Variants in WNK2 observed in about 807,000 individuals in gnomAD.
WNK2 encodes the protein WNK lysine deficient protein kinase 2, also known as serine/threonine-protein kinase WNK2.
A neutral mutation model predicts 192.1 loss-of-function variants in WNK2; 67 were observed. The ratio of observed to expected loss-of-function variants is 0.35; its 90% confidence interval spans 0.29 to 0.43. The LOEUF (loss-of-function observed/expected upper bound fraction) is 0.43. Among genes scored for constraint, WNK2 ranks in the 20% least tolerant of loss-of-function variants. WNK2 has a pLI of 1.00. For missense variants in WNK2, 2,698 were observed against 3,089.7 expected, an observed-to-expected ratio of 0.87 and a Z score of 3.01; for synonymous variants, 1,439 against 1,393.9, an observed-to-expected ratio of 1.03 and a Z score of -0.72.
chr9:93,303,514 C>T (rs898594480), intron 26 of WNK2, among the ~76,000 whole-genome samples: 2 of 152,224 alleles, frequency 1.3e-5, no homozygotes, highest in African/African-American at 4.8e-5. Flanking sequence ...GGAATGCTTT[C>T]ATCCCTCCCG....
At chr9:93,277,657 A>AG (rs1299500337) in intron 19 of WNK2, among the ~76,000 whole-genome samples, 1 of 152,212 alleles carries the variant, frequency 6.6e-6, no homozygotes, top group African/African-American at 2.4e-5. Flanking sequence ...GATAAGGAAC[A>AG]GGGTCAGTGC....
intron 19 of WNK2, among the ~76,000 whole-genome samples, chr9:93,278,789 A>C (rs997694523): frequency 6.6e-6 from 1 of 152,242 alleles, no homozygotes; most frequent in South Asian, 2.1e-4. Flanking sequence ...GATTAAGTAC[A>C]TTAAGACAGT....
chr9:93,286,736 A>G (rs1848495267), intron 19 of WNK2, among the ~76,000 whole-genome samples: 1 of 152,252 alleles, frequency 6.6e-6, no homozygotes, highest in Admixed American at 6.5e-5. Context: ...CGTTATTCAC[A>G]ATAGCCAAGA....
Position 93,252,389 on chromosome 9 carries a change from C to T in WNK2, c.1835-494C>T, listed in dbSNP as rs138759671. ...GCATTTCCCTCTCAAGGCCTCTCTG[C>T]GGGTGTTGAGGGCACCTTGACATGT... is the stretch of plus-strand genomic sequence containing the variant. On this transcript the variant is annotated intron_variant, in intron 8 of 29. Coordinates refer to ENST00000427277, the MANE Select transcript of WNK2 (RefSeq NM_006648.4). Among the ~76,000 whole-genome samples the T allele has an allele frequency of 1.6e-4, 25 of 152,348 alleles. No homozygotes were observed. The East Asian group carries it at 4.2e-3, about 26-fold the overall frequency.
At chr9:93,269,771 A>G (rs1190513337) in intron 19 of WNK2, among the ~76,000 whole-genome samples, 1 of 152,032 alleles carries the variant, frequency 6.6e-6, no homozygotes, top group Non-Finnish European at 1.5e-5. Context: ...ATGAAATTAA[A>G]CCCTCTTTCC....
chr9:93,243,092 GGA>G (rs1194647394), intron 7 of WNK2, among the ~76,000 whole-genome samples: 1 of 152,142 alleles, frequency 6.6e-6, no homozygotes, highest in African/African-American at 2.4e-5. Flanking sequence ...TGCAGCCTGG[GGA>G]GGGCCCCAGG....
chr9:93,203,257 G>A (rs1832799336), intron 2 of WNK2, among the ~76,000 whole-genome samples: 1 of 152,194 alleles, frequency 6.6e-6, no homozygotes, highest in African/African-American at 2.4e-5. Flanking sequence ...GTGGGCCAGG[G>A]GTTTGGCCCA....
At chr9:93,206,160 C>T (rs1833341631) in intron 2 of WNK2, among the ~76,000 whole-genome samples, 1 of 152,220 alleles carries the variant, frequency 6.6e-6, no homozygotes, top group Non-Finnish European at 1.5e-5. Flanking sequence ...TCCTGTCCTC[C>T]CTGCCAAGGC....
Position 93,259,823 on chromosome 9 carries a change from A to T in WNK2, c.3066+209A>T, listed in dbSNP as rs1043401748. Reference sequence around the variant, plus strand: ...TTCCGTTTTCCGAATGGGTCAGGAGATGCAGGAGTCCGTGCCTGATAGGTT... The same window carrying T: ...TTCCGTTTTCCGAATGGGTCAGGAGTTGCAGGAGTCCGTGCCTGATAGGTT... On this transcript the variant is annotated intron_variant, in intron 12 of 29. Coordinates refer to ENST00000427277, the MANE Select transcript of WNK2 (RefSeq NM_006648.4). The surrounding 1 kb of genome is among the most constrained non-coding windows in gnomAD (Gnocchi z 4.8). Among the ~76,000 whole-genome samples the T allele has an allele frequency of 6.6e-6, 1 of 152,128 alleles. No individual in the cohort carries two copies. The highest frequency in any genetic ancestry group is 2.4e-5 in the African/African-American group (1 of 41,432).
chr9:93,293,306 A>C, intron 23 of WNK2, 133 bp downstream of exon 23: 1 of 704,488 alleles, frequency 1.4e-6, no homozygotes, highest in Non-Finnish European at 2.1e-6. Context: ...AAGCAGGGAC[A>C]GGGGAGTGAT....
rs749439093 is a variant in WNK2, at chr9:93,229,689, C to A, written c.682-7C>A. The A allele has an allele frequency of 1.2e-6, 2 of 1,611,716 alleles. No homozygotes were observed. The highest frequency in any genetic ancestry group is 2.7e-5 in the African/African-American group (2 of 74,878). ...CTTGCCCACTTAGCATGTCTCTTGC[C>A]CTGTAGGACCGGAAGCTCACCAAGC... is the stretch of plus-strand genomic sequence containing the variant. On this transcript the variant is annotated splice_polypyrimidine_tract_variant and splice_region_variant and intron_variant, in intron 2 of 29. Coordinates refer to ENST00000427277, the MANE Select transcript of WNK2 (RefSeq NM_006648.4). The surrounding 1 kb of genome is among the most constrained non-coding windows in gnomAD (Gnocchi z 4.9).
chr9:93,259,727 CCT>C lies in WNK2; in HGVS notation c.3066+117_3066+118del. On this transcript the variant is annotated intron_variant, in intron 12 of 29. Transcript: ENST00000427277. The surrounding 1 kb of genome is among the most constrained non-coding windows in gnomAD (Gnocchi z 4.8). ...GGAGGCAGCCCTGCCTGGGGTCGCC[CCT>C]CTCAGGAAGAGATGTGTGTGAGGCT... The C allele has an allele frequency of 9.5e-7, 1 of 1,055,646 alleles. No homozygotes were observed. The highest frequency in any genetic ancestry group is 1.3e-6 in the Non-Finnish European group (1 of 753,896). 65.4% of individuals were successfully genotyped at this position (1,055,646 alleles called of 1,614,324 possible).
At chr9:93,309,208 G>A (rs1853193327) in intron 28 of WNK2, 1 of 898,208 alleles carries the variant, frequency 1.1e-6, no homozygotes, top group African/African-American at 1.8e-5. Flanking sequence ...CTGGGCTGGA[G>A]TTTTGTTTTT....
At position 93,231,093 on chromosome 9, in the gene WNK2, G is replaced by T; in HGVS notation, c.1060G>T (p.Ala354Ser). Residue 354 changes from alanine to serine, a missense_variant, in exon 4 of 30, where the codon GCC (alanine) becomes TCC (serine). Physicochemically the swap from Ala to Ser is moderately conservative, Grantham distance 99 (BLOSUM62 1). Around this residue, in one of 7 missense-constraint regions of WNK2, gnomAD observed 230 missense variants for 501.1 expected, o/e 0.46. Transcript: ENST00000427277. ...GLATLKRASF[A>S]KSVIGTPEFM... Reference sequence around the variant, plus strand: ...GGCCACTCTGAAAAGAGCGTCATTTGCCAAAAGTGTGATAGGTAAACCTGC... The same window carrying T: ...GGCCACTCTGAAAAGAGCGTCATTTTCCAAAAGTGTGATAGGTAAACCTGC... 6.2e-7 allele frequency: 1 copy of T among 1,614,002 alleles called. No homozygotes were observed. Among genetic ancestry groups the T allele is most frequent in the Non-Finnish European group, 8.5e-7 (1 of 1,179,892 alleles).
chr9:93,226,152 G>A (rs1030613159), intron 2 of WNK2, among the ~76,000 whole-genome samples: 7 of 152,204 alleles, frequency 4.6e-5, no homozygotes, highest in African/African-American at 1.7e-4. Flanking sequence ...GAGACTCACC[G>A]CCCACCTGGG....
chr9:93,283,936 A>G (rs1276390080), intron 19 of WNK2, among the ~76,000 whole-genome samples: 1 of 152,216 alleles, frequency 6.6e-6, no homozygotes, highest in African/African-American at 2.4e-5. Flanking sequence ...AGAAGTGTTC[A>G]CGATAATGAG....
intron 19 of WNK2, 126 bp from the exon 20 acceptor site, chr9:93,288,662 G>A (rs1305502769): frequency 1.3e-5 from 13 of 1,016,370 alleles, no homozygotes; most frequent in Non-Finnish European, 1.8e-5. Context: ...GGCGTGTCGG[G>A]AAACAGAGAA....
At chr9:93,235,658 G>A (rs188910919) in intron 5 of WNK2, among the ~76,000 whole-genome samples, 4 of 152,352 alleles carry the variant, frequency 2.6e-5, no homozygotes, top group Non-Finnish European at 5.9e-5. Context: ...TGCACCACCC[G>A]TCTTGTTGTG....
chr9:93,268,491 C>T, intron 18 of WNK2, 136 bp from the exon 19 acceptor site: 15 of 1,368,070 alleles, frequency 1.1e-5, no homozygotes, highest in East Asian at 2.5e-5. Flanking sequence ...CTGCCCACAC[C>T]CTTCCTGGAG....
Sources: allele counts gnomAD v4.1 joint callset (sites outside exome capture counted in the v4.1 genomes callset), GRCh38; gene constraint gnomAD v4.1.1; regional missense constraint gnomAD v4.1.1; non-coding constraint Gnocchi (gnomAD v3.1); transcripts MANE v1.5; gene names NCBI Gene and HGNC (gene_info 2026-07-23, HGNC 2026-07-21).